DLC1: variants seen among roughly 807,000 people sequenced by gnomAD.
DLC1 encodes DLC1 Rho GTPase activating protein, also known as rho GTPase-activating protein 7.
Under a neutral mutation model 140.3 loss-of-function variants are expected in DLC1, and 54 were observed. The observed-to-expected ratio is 0.38, with a 90% confidence interval of 0.31 to 0.48. DLC1 has a LOEUF of 0.48. DLC1 is among the 20% of genes least tolerant of loss of function. DLC1 has a pLI of 0.96. For missense variants in DLC1, 2,536 were observed against 1,907.0 expected, an observed-to-expected ratio of 1.33 and a Z score of -6.14; for synonymous variants, 986 against 728.1, an observed-to-expected ratio of 1.35 and a Z score of -5.70.
chr8:13,216,354 G>C (rs1374092259), intron 5 of DLC1, among the ~76,000 whole-genome samples: 1 of 152,192 alleles, frequency 6.6e-6, no homozygotes, highest in East Asian at 1.9e-4. Flanking sequence ...AAGCCACCCA[G>C]CTGCCAGGTA....
At chr8:13,404,365 G>C (rs559105566) in intron 2 of DLC1, among the ~76,000 whole-genome samples, 4 of 152,216 alleles carry the variant, frequency 2.6e-5, no homozygotes, top group Non-Finnish European at 4.4e-5. Flanking sequence ...GAAGAAATGT[G>C]CATAATTGGC....
At chr8:13,152,963 C>G (rs1237601830) in intron 5 of DLC1, among the ~76,000 whole-genome samples, 1 of 151,792 alleles carries the variant, frequency 6.6e-6, no homozygotes, top group African/African-American at 2.4e-5. Flanking sequence ...TTGACCATAA[C>G]AGACTTTAAG....
chr8:13,574,521 G>A (rs1804770611), intron 1 of DLC1, among the ~76,000 whole-genome samples: 1 of 152,012 alleles, frequency 6.6e-6, no homozygotes, highest in African/African-American at 2.4e-5. Flanking sequence ...GTGCTAAGAA[G>A]CCACATATTT....
intron 2 of DLC1, among the ~76,000 whole-genome samples, chr8:13,495,958 G>C (rs1801481562): frequency 1.3e-5 from 2 of 152,156 alleles, no homozygotes; most frequent in African/African-American, 4.8e-5. Context: ...TCAATCACAT[G>C]ATTATCAGAT....
intron 6 of DLC1, among the ~76,000 whole-genome samples, chr8:13,114,873 A>C (rs1228642691): frequency 6.6e-6 from 1 of 152,236 alleles, no homozygotes; most frequent in African/African-American, 2.4e-5. Flanking sequence ...ATGTGGATAC[A>C]CAGATTGGTA....
intron 4 of DLC1, among the ~76,000 whole-genome samples, chr8:13,314,901 C>G (rs73663541): frequency 0.019 from 2,906 of 152,204 alleles, 111 homozygotes; most frequent in African/African-American, 0.065. Context: ...GTAGTGGTAA[C>G]CACCCACAAA....
intron 4 of DLC1, among the ~76,000 whole-genome samples, chr8:13,357,050 C>T (rs1470177282): frequency 6.6e-6 from 1 of 152,030 alleles, no homozygotes; most frequent in Non-Finnish European, 1.5e-5. Flanking sequence ...AGGCGGATCA[C>T]TTGAGGCCAG....
At chr8:13,192,733 C>T (rs978815305) in intron 5 of DLC1, among the ~76,000 whole-genome samples, 1 of 152,170 alleles carries the variant, frequency 6.6e-6, no homozygotes, top group Non-Finnish European at 1.5e-5. Context: ...GGGCAGGATC[C>T]TGATCCAATA....
chr8:13,464,343 T>G (rs906493242), intron 2 of DLC1, among the ~76,000 whole-genome samples: 7 of 152,176 alleles, frequency 4.6e-5, no homozygotes, highest in Non-Finnish European at 7.3e-5. Flanking sequence ...GTTAGAATTA[T>G]AAGTCATTAT....
At chr8:13,250,906 T>G (rs764999415) in intron 5 of DLC1, among the ~76,000 whole-genome samples, 2 of 152,100 alleles carry the variant, frequency 1.3e-5, no homozygotes, top group Non-Finnish European at 2.9e-5. Context: ...GGATAAGGCT[T>G]TAAGATGACT....
chr8:13,397,938 C>A (rs1837121742), intron 3 of DLC1, among the ~76,000 whole-genome samples: 1 of 152,092 alleles, frequency 6.6e-6, no homozygotes, highest in African/African-American at 2.4e-5. Context: ...CGAGACCATC[C>A]TGGCCAACAT....
intron 1 of DLC1, among the ~76,000 whole-genome samples, chr8:13,530,740 G>C (rs1379197762): frequency 6.6e-6 from 1 of 152,108 alleles, no homozygotes; most frequent in Non-Finnish European, 1.5e-5. Flanking sequence ...ATAAGCAAAG[G>C]AAGAGTGTGT....
intron 1 of DLC1, among the ~76,000 whole-genome samples, chr8:13,536,973 T>C (rs959262626): frequency 1.3e-5 from 2 of 152,288 alleles, no homozygotes; most frequent in African/African-American, 4.8e-5. Context: ...TATGTTAAAA[T>C]CTGCAAATCA....
chr8:13,574,249 T>A (rs1444335016), intron 1 of DLC1, among the ~76,000 whole-genome samples: 1 of 152,182 alleles, frequency 6.6e-6, no homozygotes, highest in African/African-American at 2.4e-5. Flanking sequence ...AGTATGCATT[T>A]TTCACTTTAA....
chr8:13,340,775 A>C (rs1834004388), intron 4 of DLC1: 1 of 152,228 alleles, frequency 6.6e-6, no homozygotes, highest in African/African-American at 2.4e-5. Flanking sequence ...TATGCCATAA[A>C]TTCCCTAATT....
intron 1 of DLC1, among the ~76,000 whole-genome samples, chr8:13,521,733 T>G (rs930304950): frequency 6.6e-6 from 1 of 152,170 alleles, no homozygotes; most frequent in Non-Finnish European, 1.5e-5. Context: ...CAAAGCCTCG[T>G]GTCCTTGAAA....
intron 5 of DLC1, among the ~76,000 whole-genome samples, chr8:13,138,524 T>C (rs1318332975): frequency 6.6e-6 from 1 of 152,226 alleles, no homozygotes; most frequent in Non-Finnish European, 1.5e-5. Context: ...TCCTCTGCAC[T>C]TGGAAAATGT....
intron 5 of DLC1, among the ~76,000 whole-genome samples, chr8:13,124,444 G>T (rs570527873): frequency 1.3e-5 from 2 of 152,346 alleles, no homozygotes; most frequent in East Asian, 3.9e-4. Context: ...AAAAGCAGGA[G>T]TATGAAGCAG....
chr8:13,097,190 G>C (rs1039880344), intron 10 of DLC1, among the ~76,000 whole-genome samples: 1 of 151,922 alleles, frequency 6.6e-6, no homozygotes, highest in African/African-American at 2.4e-5. Context: ...GTCTTTGCTA[G>C]AAAAAAAGTA....
Sources: gnomAD v4.1 joint callset for allele counts (sites outside exome capture counted in the v4.1 genomes callset) on GRCh38, gnomAD v4.1.1 for gene constraint, MANE v1.5 for transcripts, NCBI Gene and HGNC (gene_info 2026-07-23, HGNC 2026-07-21) for gene names.